Variants in DLGAP1 observed in about 807,000 individuals in gnomAD.
DLGAP1 encodes DLG associated protein 1, also known as disks large-associated protein 1.
DLGAP1 carries 11 observed loss-of-function variants against 90.8 expected under a neutral mutation model. The observed-to-expected ratio is 0.12, with a 90% CI of 0.08 to 0.20. The LOEUF (loss-of-function observed/expected upper bound fraction) is 0.20. Among genes scored for constraint, DLGAP1 ranks in the 10% least tolerant of loss-of-function variants. DLGAP1 has a pLI of 1.00. For missense variants in DLGAP1, 1,050 were observed against 1,333.8 expected, an observed-to-expected ratio of 0.79 and a Z score of 3.31; for synonymous variants, 558 against 540.7, an observed-to-expected ratio of 1.03 and a Z score of -0.44.
chr18:4,295,042 C>A (rs536663900), intron 1 of DLGAP1: 3 of 152,222 alleles, frequency 2.0e-5, no homozygotes, highest in Non-Finnish European at 4.4e-5. Context: ...GGAGTTTATA[C>A]GGGTACAGGA....
At chr18:3,652,234 A>T (rs1352453702) in intron 7 of DLGAP1, among the ~76,000 whole-genome samples, 3 of 152,032 alleles carry the variant, frequency 2.0e-5, no homozygotes, top group Non-Finnish European at 4.4e-5. Context: ...AGAGGGAATG[A>T]CATCAATACA....
At chr18:3,545,446 T>C (rs1485372647) in intron 9 of DLGAP1, among the ~76,000 whole-genome samples, 2 of 152,100 alleles carry the variant, frequency 1.3e-5, no homozygotes, top group Non-Finnish European at 2.9e-5. Context: ...ATATCAACAG[T>C]CAGTCACATT....
chr18:4,375,077 A>G (rs1366492726), intron 1 of DLGAP1, among the ~76,000 whole-genome samples: 1 of 152,152 alleles, frequency 6.6e-6, no homozygotes, highest in African/African-American at 2.4e-5. Flanking sequence ...TTTGGAAGAA[A>G]ATCCAGAAAT....
At chr18:3,911,929 C>T (rs1396318312) in intron 3 of DLGAP1, among the ~76,000 whole-genome samples, 1 of 152,132 alleles carries the variant, frequency 6.6e-6, no homozygotes, top group Non-Finnish European at 1.5e-5. Context: ...CAAAGTGGGT[C>T]CCTGGGCCCA....
At chr18:4,123,542 C>T (rs890102777) in intron 2 of DLGAP1, among the ~76,000 whole-genome samples, 2 of 152,128 alleles carry the variant, frequency 1.3e-5, no homozygotes, top group Admixed American at 1.3e-4. Context: ...TAATGCTTAC[C>T]TAATATGACT....
chr18:4,028,452 G>C (rs906871543), intron 2 of DLGAP1, among the ~76,000 whole-genome samples: 5 of 152,146 alleles, frequency 3.3e-5, no homozygotes, highest in Admixed American at 6.5e-5. Flanking sequence ...TAAAAAAGCA[G>C]GCACAGGGCA....
intron 1 of DLGAP1, among the ~76,000 whole-genome samples, chr18:4,343,036 G>A (rs536317609): frequency 2.2e-4 from 34 of 152,194 alleles, no homozygotes; most frequent in South Asian, 1.5e-3. Flanking sequence ...GGCCGGGCGC[G>A]GTGGCTCATG....
At chr18:4,139,519 T>C (rs1345848050) in intron 2 of DLGAP1, among the ~76,000 whole-genome samples, 1 of 152,032 alleles carries the variant, frequency 6.6e-6, no homozygotes, top group East Asian at 1.9e-4. Flanking sequence ...TTTTAAGACT[T>C]GCTTTGTGGC....
At chr18:4,246,052 G>C (rs182682336) in intron 1 of DLGAP1, among the ~76,000 whole-genome samples, 38 of 152,204 alleles carry the variant, frequency 2.5e-4, no homozygotes, top group Middle Eastern at 6.8e-3. Flanking sequence ...TTCCCTATAC[G>C]TCTTCATCTT....
At chr18:4,233,799 T>C (rs905089089) in intron 1 of DLGAP1, among the ~76,000 whole-genome samples, 3 of 152,178 alleles carry the variant, frequency 2.0e-5, no homozygotes, top group African/African-American at 4.8e-5. Flanking sequence ...AGGAAACAGA[T>C]AACATCACAG....
At chr18:3,808,555 C>G (rs2066677211) in intron 5 of DLGAP1, among the ~76,000 whole-genome samples, 1 of 151,894 alleles carries the variant, frequency 6.6e-6, no homozygotes, top group Non-Finnish European at 1.5e-5. Flanking sequence ...AGGAGAGGAA[C>G]AAAAAAGCAT....
intron 4 of DLGAP1, among the ~76,000 whole-genome samples, chr18:3,828,345 TA>T (rs2067835783): frequency 6.6e-6 from 1 of 152,300 alleles, no homozygotes; most frequent in African/African-American, 2.4e-5. Context: ...AAAACATTTT[TA>T]AAAACAAGAC....
chr18:3,665,165 T>G (rs1422045230), intron 7 of DLGAP1, among the ~76,000 whole-genome samples: 1 of 152,122 alleles, frequency 6.6e-6, no homozygotes, highest in Non-Finnish European at 1.5e-5. Context: ...ATTAGGGAGC[T>G]CTCCTAAAAG....
intron 5 of DLGAP1, among the ~76,000 whole-genome samples, chr18:3,776,850 G>C (rs575238387): frequency 2.0e-5 from 3 of 152,264 alleles, no homozygotes; most frequent in African/African-American, 7.2e-5. Flanking sequence ...GAGTGCAGTG[G>C]CACAATCATG....
chr18:3,933,917 A>G, intron 3 of DLGAP1, among the ~76,000 whole-genome samples: 1 of 152,180 alleles, frequency 6.6e-6, no homozygotes, highest in Admixed American at 6.5e-5. Flanking sequence ...CCAGTCTCCT[A>G]TAGTCATACT....
intron 1 of DLGAP1, among the ~76,000 whole-genome samples, chr18:4,350,104 C>G (rs1164295761): frequency 6.6e-6 from 1 of 152,098 alleles, no homozygotes; most frequent in Non-Finnish European, 1.5e-5. Context: ...GAATTGTTTT[C>G]TTCTTCAATG....
At chr18:4,010,840 T>C (rs990698350) in intron 2 of DLGAP1, among the ~76,000 whole-genome samples, 1 of 151,038 alleles carries the variant, frequency 6.6e-6, no homozygotes, top group Non-Finnish European at 1.5e-5. Context: ...CTATTTATCA[T>C]AGGCCCTTGG....
intron 7 of DLGAP1, among the ~76,000 whole-genome samples, chr18:3,635,288 G>A (rs28694004): frequency 0.18 from 28,008 of 151,808 alleles, 3,400 homozygotes; most frequent in African/African-American, 0.33. Context: ...CCGCCACCAC[G>A]CCCGGCTGAT....
intron 1 of DLGAP1, among the ~76,000 whole-genome samples, chr18:4,448,995 A>T (rs1476614552): frequency 6.6e-6 from 1 of 152,094 alleles, no homozygotes; most frequent in Non-Finnish European, 1.5e-5. Flanking sequence ...CTTACAAACC[A>T]CATAGGGGCC....
Sources: allele counts gnomAD v4.1 joint callset (sites outside exome capture counted in the v4.1 genomes callset), GRCh38; gene constraint gnomAD v4.1.1; transcripts MANE v1.5; gene names NCBI Gene and HGNC (gene_info 2026-07-23, HGNC 2026-07-21).